Variants in SUN1 observed in about 807,000 individuals in gnomAD.
The protein encoded by SUN1 is SUN domain-containing protein 1.
In SUN1, 61 loss-of-function variants were observed where a neutral mutation model predicts 103.2. The ratio of observed to expected loss-of-function variants is 0.59; its 90% CI spans 0.48 to 0.73. The LOEUF (loss-of-function observed/expected upper bound fraction) is 0.73, where lower values mean the gene tolerates loss of function less well. Among genes scored for constraint, SUN1 ranks in the 30% least tolerant of loss-of-function variants. SUN1 has a pLI of 0.00. For synonymous variants in SUN1, 490 were observed against 425.7 expected (o/e 1.15, Z -1.86); for missense variants, 1,052 against 1,034.6 (o/e 1.02, Z -0.23).
At chr7:824,803 G>C (rs1236591247) in intron 1 of SUN1, among the ~76,000 whole-genome samples, 1 of 149,632 alleles carries the variant, frequency 6.7e-6, no homozygotes, top group African/African-American at 2.4e-5. Context: ...ACTATCTGTC[G>C]ATATGGCTTT....
intron 2 of SUN1, among the ~76,000 whole-genome samples, chr7:839,478 G>A (rs184288334): frequency 4.5e-4 from 69 of 152,332 alleles, no homozygotes; most frequent in African/African-American, 1.5e-3. Context: ...TCTGTCTCCC[G>A]GGTTCAAGCG....
Position 842,143 on chromosome 7 carries a change from G to T in SUN1, c.451+13G>T. 1 of 1,606,126 alleles carries T rather than the reference G, an allele frequency of 6.2e-7. No homozygotes were observed. The stretch of plus-strand genomic sequence containing the variant: ...GACCACTTCTGGGGTGAGTCCCTGC[G>T]AGACACAGATTGTCCCGCCTACAGT... On this transcript the variant is annotated intron_variant, in intron 3 of 18. Coordinates refer to ENST00000401592, the MANE Select transcript of SUN1 (RefSeq NM_001130965.3).
intron 11 of SUN1, among the ~76,000 whole-genome samples, chr7:855,227 C>A (rs1826001067): frequency 6.6e-6 from 1 of 152,232 alleles, no homozygotes; most frequent in South Asian, 2.1e-4. Flanking sequence ...CTCTCGAGGG[C>A]ACAGAGCAGG....
At chr7:827,072 G>T (rs1254203446) in intron 1 of SUN1, among the ~76,000 whole-genome samples, 3 of 152,194 alleles carry the variant, frequency 2.0e-5, no homozygotes, top group Non-Finnish European at 2.9e-5. Flanking sequence ...ACCCAGGCTG[G>T]AGTGCAGCGG....
rs1423385703 is a variant in SUN1, at chr7:851,965, G to T, written c.773G>T (p.Gly258Val). 2 of 1,613,894 alleles carry T rather than the reference G, an allele frequency of 1.2e-6. No individual in the cohort carries two copies. Among genetic ancestry groups the T allele is most frequent in the Admixed American group, 1.7e-5 (1 of 59,974 alleles). The change falls in exon 7 of 19, where the codon GGA becomes GTA. Residue 258 changes from glycine to valine, a missense_variant. Coordinates refer to ENST00000401592, the MANE Select transcript of SUN1 (RefSeq NM_001130965.3). Reference protein sequence around the residue: ...AVVAPGKAASGVFWWLGIGWY... With the variant: ...AVVAPGKAASVVFWWLGIGWY... ...TCTCTTGTAGGGAAGGCAGCCTCTG[G>T]AGTGTTCTGGTGGCTGGGGATTGGA...
chr7:851,411 G>A lies in SUN1; in HGVS notation c.686G>A (p.Arg229Lys). 1 of 1,608,932 alleles carries A rather than the reference G, an allele frequency of 6.2e-7. No individual in the cohort carries two copies. Among genetic ancestry groups the A allele is most frequent in the Non-Finnish European group, 8.5e-7 (1 of 1,177,706 alleles). The change falls in exon 6 of 19, where the codon AGG becomes AAG. Residue 229 changes from arginine (R) to lysine (K), a missense_variant. Around this residue, in one of 2 missense-constraint regions of SUN1, gnomAD observed 846 missense variants for 774.5 expected, o/e 1.09. Coordinates refer to ENST00000401592, the MANE Select transcript of SUN1 (RefSeq NM_001130965.3). ...KCYFLLQILRRIGAVGQAVSR... is the reference protein window; with the variant it reads ...KCYFLLQILRKIGAVGQAVSR... ...TACTTCTTGCTGCAGATTCTGCGCA[G>A]GATCGGAGCTGTGGGCCAGGCTGTG...
At chr7:850,166 T>C (rs564874117) in intron 5 of SUN1, 1 of 833,226 alleles carries the variant, frequency 1.2e-6, no homozygotes, top group African/African-American at 1.7e-5. Context: ...TTAACTTTGG[T>C]TTAAAACAGG....
chr7:858,528 T>G (rs1279854524), intron 13 of SUN1, among the ~76,000 whole-genome samples: 1 of 152,244 alleles, frequency 6.6e-6, no homozygotes, highest in Non-Finnish European at 1.5e-5. Context: ...GTATGCGTCC[T>G]TGGTGTGCGT....
At chr7:851,888 C>T (rs1257422173) in intron 6 of SUN1, 62 bp from the exon 7 acceptor site, 2 of 1,545,376 alleles carry the variant, frequency 1.3e-6, no homozygotes, top group Non-Finnish European at 1.8e-6. Flanking sequence ...AGAAATGGTC[C>T]ATTTAGGAGC....
chr7:846,772 G>T (rs887085486), intron 5 of SUN1, among the ~76,000 whole-genome samples: 1 of 152,096 alleles, frequency 6.6e-6, no homozygotes, highest in Non-Finnish European at 1.5e-5. Context: ...AGCTACTCAG[G>T]AGGCTGAGGT....
In SUN1 at chr7:857,971, A is replaced by C; in HGVS notation, c.1524+14A>C. The C allele has an allele frequency of 6.5e-7, 1 of 1,540,614 alleles. No individual in the cohort carries two copies. Among genetic ancestry groups the C allele is most frequent in the South Asian group, 1.2e-5 (1 of 82,780 alleles). Reference sequence around the variant, plus strand: ...GTACAAGAAAGAGTGAGCTTTCTGCATGTTTACTTTTTGTTTTATAATAGA... The same window carrying C: ...GTACAAGAAAGAGTGAGCTTTCTGCCTGTTTACTTTTTGTTTTATAATAGA... On this transcript the variant is annotated intron_variant, in intron 13 of 18. Coordinates refer to ENST00000401592, the MANE Select transcript of SUN1 (RefSeq NM_001130965.3).
At chr7:855,234 C>T (rs1455542225) in intron 11 of SUN1, among the ~76,000 whole-genome samples, 1 of 152,198 alleles carries the variant, frequency 6.6e-6, no homozygotes, top group African/African-American at 2.4e-5. Flanking sequence ...GGGCACAGAG[C>T]AGGGCTGCAC....
chr7:862,081 C>T (rs943031565), intron 15 of SUN1, among the ~76,000 whole-genome samples: 6 of 152,334 alleles, frequency 3.9e-5, no homozygotes, highest in South Asian at 4.1e-4. Context: ...CGAGCATTTC[C>T]GAAAGAACCG....
intron 16 of SUN1, among the ~76,000 whole-genome samples, 160 bp downstream of exon 16, chr7:866,227 G>A (rs4721953): frequency 3.3e-5 from 5 of 152,180 alleles, no homozygotes; most frequent in Admixed American, 6.5e-5. Flanking sequence ...AGGAGTCCCC[G>A]GTGTCCCCGT....
intron 17 of SUN1, among the ~76,000 whole-genome samples, chr7:871,474 G>A (rs974186161): frequency 3.9e-5 from 6 of 152,034 alleles, no homozygotes; most frequent in Non-Finnish European, 7.4e-5. Flanking sequence ...TGCAATGTCC[G>A]CCTCCCGGGT....
chr7:851,450 G>T lies in SUN1; in HGVS notation c.725G>T (p.Trp242Leu), dbSNP rs772952310. The T allele has an allele frequency of 1.2e-6, 2 of 1,609,704 alleles. No homozygotes were observed. Reference protein sequence around the residue: ...AVGQAVSRTAWSALWLAVVAP... With the variant: ...AVGQAVSRTALSALWLAVVAP... ...GGCCAGGCTGTGTCCAGGACGGCGT[G>T]GTCGGCCCTTTGGCTGGCCGTGGTT... The change falls in exon 6 of 19, where the codon TGG (tryptophan) becomes TTG (leucine). Residue 242 changes from tryptophan to leucine, a missense_variant. Physicochemically the swap from Trp to Leu is moderately conservative, Grantham distance 61 (BLOSUM62 -2). Transcript: ENST00000401592.
At chr7:845,285 C>G (rs545360694) in intron 5 of SUN1, among the ~76,000 whole-genome samples, 1 of 152,096 alleles carries the variant, frequency 6.6e-6, no homozygotes, top group Non-Finnish European at 1.5e-5. Flanking sequence ...CTCATGGCGC[C>G]TCCCCTCGGA....
chr7:836,603 G>A (rs188935933), intron 1 of SUN1, among the ~76,000 whole-genome samples: 2 of 152,336 alleles, frequency 1.3e-5, no homozygotes. Context: ...TCCAGGTCCA[G>A]GCTGTCCAGC....
rs1172891471 is a variant in SUN1, at chr7:860,321, C to T, written c.1718C>T (p.Pro573Leu). 5.0e-6 allele frequency: 8 copies of T among 1,614,250 alleles called. No individual in the cohort carries two copies. The highest frequency in any genetic ancestry group is 2.2e-5 in the East Asian group (1 of 44,886). Residue 573 changes from proline to leucine, a missense_variant, in exon 14 of 19, where the codon CCA becomes CTA. Physicochemically the swap from Pro to Leu is moderately conservative, Grantham distance 98. Transcript: ENST00000401592. ...THHVSVTKQL[P>L]TSEAVVSAVS... Reference sequence around the variant, plus strand: ...CACGTTTCCGTGACCAAGCAGCTCCCAACCTCAGAAGCCGTGGTGTCTGCT... The same window carrying T: ...CACGTTTCCGTGACCAAGCAGCTCCTAACCTCAGAAGCCGTGGTGTCTGCT...
Sources: allele counts gnomAD v4.1 joint callset (sites outside exome capture counted in the v4.1 genomes callset), GRCh38; gene constraint gnomAD v4.1.1; regional missense constraint gnomAD v4.1.1; transcripts MANE v1.5; gene names NCBI Gene and HGNC (gene_info 2026-07-23, HGNC 2026-07-21).